Variants in UVRAG observed in about 807,000 individuals in gnomAD.
UVRAG encodes UV radiation resistance associated.
In UVRAG, 19 loss-of-function variants were observed where a neutral mutation model predicts 78.0. That is an observed-to-expected ratio of 0.24 (90% CI 0.17 to 0.36). UVRAG has a LOEUF of 0.36. Among genes scored for constraint, UVRAG ranks in the 10% least tolerant of loss-of-function variants. The pLI is 1.00. For missense variants in UVRAG, 740 were observed against 853.8 expected (o/e 0.87, Z 1.66); for synonymous variants, 323 against 324.6 (o/e 1.00, Z 0.05).
intron 12 of UVRAG, among the ~76,000 whole-genome samples, chr11:76,023,226 T>C (rs1015540540): frequency 2.6e-5 from 4 of 152,208 alleles, no homozygotes; most frequent in African/African-American, 9.7e-5. Context: ...GGCCTTAGCC[T>C]TCACTTTCTG....
At chr11:76,065,668 C>T in intron 12 of UVRAG, 42 bp from the exon 13 acceptor site, 1 of 1,588,650 alleles carries the variant, frequency 6.3e-7, no homozygotes, top group South Asian at 1.1e-5. Context: ...GTTGTATTTA[C>T]TCAGCTTTTG....
chr11:75,876,549 A>C (rs1253323003), intron 3 of UVRAG, among the ~76,000 whole-genome samples: 2 of 152,142 alleles, frequency 1.3e-5, no homozygotes, highest in African/African-American at 2.4e-5. Flanking sequence ...AATTCTGTTG[A>C]TCTTAGACTG....
intron 6 of UVRAG, among the ~76,000 whole-genome samples, chr11:75,956,437 G>A (rs937739577): frequency 6.7e-6 from 1 of 149,318 alleles, no homozygotes; most frequent in African/African-American, 2.5e-5. Flanking sequence ...CCAGGCTGGA[G>A]TGCAATGGCA....
intron 14 of UVRAG, among the ~76,000 whole-genome samples, chr11:76,130,433 A>G (rs960015716): frequency 6.6e-6 from 1 of 152,244 alleles, no homozygotes; most frequent in African/African-American, 2.4e-5. Flanking sequence ...ACATATTTGA[A>G]TAAGGGGGTA....
At chr11:76,062,732 G>A (rs536125833) in intron 12 of UVRAG, among the ~76,000 whole-genome samples, 65 of 152,204 alleles carry the variant, frequency 4.3e-4, no homozygotes, top group African/African-American at 1.3e-3. Context: ...TCCTACTTAG[G>A]TGACCAAGCC....
intron 4 of UVRAG, among the ~76,000 whole-genome samples, chr11:75,883,388 GAAAA>G (rs1310332580): frequency 9.2e-6 from 1 of 108,710 alleles, no homozygotes; most frequent in East Asian, 2.7e-4. Flanking sequence ...AAAAAGAAAA[GAAAA>G]AAAAAAAAGA....
intron 11 of UVRAG, 67 bp from the exon 12 acceptor site, chr11:76,016,744 ATTAT>A: frequency 5.4e-6 from 7 of 1,288,534 alleles, no homozygotes; most frequent in Non-Finnish European, 7.2e-6. Flanking sequence ...TTCTTTGAAA[ATTAT>A]TTATTATCTT....
intron 6 of UVRAG, chr11:75,935,078 A>C (rs928938442): frequency 3.3e-5 from 5 of 152,202 alleles, no homozygotes; most frequent in African/African-American, 1.2e-4. Flanking sequence ...ATTATGATGT[A>C]GGGCTGTATG....
chr11:75,815,624 G>A, intron 1 of UVRAG, 100 bp downstream of exon 1: 2 of 727,298 alleles, frequency 2.7e-6, no homozygotes, highest in Non-Finnish European at 3.8e-6. Context: ...GACACCCAGA[G>A]CAGGGACCCG....
At chr11:76,112,416 T>A (rs1478079423) in intron 13 of UVRAG, among the ~76,000 whole-genome samples, 1 of 152,190 alleles carries the variant, frequency 6.6e-6, no homozygotes, top group Non-Finnish European at 1.5e-5. Context: ...TTACCTCCCA[T>A]GCTATCCTTT....
chr11:76,048,665 A>G (rs1328306926), intron 12 of UVRAG, among the ~76,000 whole-genome samples: 1 of 152,200 alleles, frequency 6.6e-6, no homozygotes, highest in African/African-American at 2.4e-5. Context: ...TCATTGAAAT[A>G]TGTCTTTCTC....
intron 1 of UVRAG, among the ~76,000 whole-genome samples, chr11:75,843,213 G>C (rs1945953926): frequency 6.6e-6 from 1 of 152,210 alleles, no homozygotes; most frequent in Non-Finnish European, 1.5e-5. Flanking sequence ...TGTGTGATCT[G>C]ACCGGGTTTT....
At chr11:75,951,635 G>C (rs1948705940) in intron 6 of UVRAG, among the ~76,000 whole-genome samples, 1 of 152,100 alleles carries the variant, frequency 6.6e-6, no homozygotes, top group Non-Finnish European at 1.5e-5. Flanking sequence ...GCCCACCTCG[G>C]CCTCTCAAAG....
intron 12 of UVRAG, among the ~76,000 whole-genome samples, chr11:76,046,208 C>T (rs540902010): frequency 1.5e-4 from 23 of 152,250 alleles, no homozygotes; most frequent in Middle Eastern, 6.8e-3. Flanking sequence ...AAGTCCTATG[C>T]ACCTTTCCTA....
intron 13 of UVRAG, among the ~76,000 whole-genome samples, chr11:76,088,803 A>G (rs993217347): frequency 5.9e-5 from 9 of 152,190 alleles, no homozygotes; most frequent in African/African-American, 1.9e-4. Flanking sequence ...GAACAGAGTT[A>G]TCACCCATCT....
chr11:75,891,757 AC>A (rs995320159), intron 5 of UVRAG, among the ~76,000 whole-genome samples: 1 of 152,116 alleles, frequency 6.6e-6, no homozygotes. Context: ...TAAAATTCAA[AC>A]AAAAAATTAG....
intron 11 of UVRAG, 29 bp downstream of exon 11, chr11:76,008,896 T>C (rs773571827): frequency 1.9e-5 from 23 of 1,241,690 alleles, no homozygotes; most frequent in Non-Finnish European, 2.5e-5. Context: ...TGAAGATTTG[T>C]TATATATTAA....
chr11:76,066,132 A>T (rs776183358), intron 13 of UVRAG, among the ~76,000 whole-genome samples: 3 of 152,008 alleles, frequency 2.0e-5, no homozygotes, highest in Admixed American at 1.3e-4. Flanking sequence ...ATTTCTAGGG[A>T]CTCAATTTGC....
At chr11:76,076,571 G>C (rs1266408626) in intron 13 of UVRAG, among the ~76,000 whole-genome samples, 1 of 152,096 alleles carries the variant, frequency 6.6e-6, no homozygotes, top group Non-Finnish European at 1.5e-5. Flanking sequence ...TGAGATTTGG[G>C]TGGGGACACA....
Sources: allele counts gnomAD v4.1 joint callset (sites outside exome capture counted in the v4.1 genomes callset), GRCh38; gene constraint gnomAD v4.1.1; transcripts MANE v1.5; gene names NCBI Gene and HGNC (gene_info 2026-07-23, HGNC 2026-07-21).